SIPA1L3: variants seen among roughly 807,000 people sequenced by gnomAD.
The protein encoded by SIPA1L3 is signal-induced proliferation-associated 1-like protein 3.
SIPA1L3 carries 59 observed loss-of-function variants against 150.1 expected under a neutral mutation model. The observed-to-expected ratio is 0.39, with a 90% CI of 0.32 to 0.49. The LOEUF is 0.49. Ranked by LOEUF, SIPA1L3 falls within the 20% of genes least tolerant of loss-of-function variation. The probability of loss-of-function intolerance (pLI) is 0.86; values close to 1 mark genes in which losing one functional copy is unlikely to be tolerated. For synonymous variants in SIPA1L3, 1,070 were observed against 1,077.6 expected, an observed-to-expected ratio of 0.99 and a Z score of 0.14; for missense variants, 2,211 against 2,489.5, an observed-to-expected ratio of 0.89 and a Z score of 2.38.
intron 1 of SIPA1L3, among the ~76,000 whole-genome samples, chr19:38,026,078 G>A (rs1307391307): frequency 6.6e-6 from 1 of 152,228 alleles, no homozygotes; most frequent in African/African-American, 2.4e-5. Flanking sequence ...TCAAAAGGAA[G>A]TCTAAAAGGA....
intron 1 of SIPA1L3, among the ~76,000 whole-genome samples, chr19:37,911,940 C>T (rs2046380897): frequency 1.3e-5 from 2 of 151,888 alleles, no homozygotes; most frequent in Non-Finnish European, 2.9e-5. Context: ...GGCGTGGTGG[C>T]CGGTGCCTGT....
intron 2 of SIPA1L3, among the ~76,000 whole-genome samples, chr19:38,077,059 AT>A (rs1969853448): frequency 6.6e-6 from 1 of 152,206 alleles, no homozygotes; most frequent in South Asian, 2.1e-4. Context: ...TGGTTTGATA[AT>A]TTTAGAAAGA....
At chr19:37,992,680 A>T (rs557244689) in intron 1 of SIPA1L3, among the ~76,000 whole-genome samples, 3 of 150,338 alleles carry the variant, frequency 2.0e-5, no homozygotes, top group Admixed American at 6.6e-5. Flanking sequence ...TATGAATGGG[A>T]TGGTTCTAGA....
chr19:38,017,933 A>C (rs1159433210), intron 1 of SIPA1L3, among the ~76,000 whole-genome samples: 1 of 142,380 alleles, frequency 7.0e-6, no homozygotes, highest in East Asian at 2.0e-4. Flanking sequence ...CCATCACACT[A>C]AAAAGCATGT....
At chr19:37,980,855 C>T (rs938570110) in intron 1 of SIPA1L3, among the ~76,000 whole-genome samples, 1 of 152,210 alleles carries the variant, frequency 6.6e-6, no homozygotes, top group Non-Finnish European at 1.5e-5. Context: ...CTCCTGTGAG[C>T]TGCGCTCAAG....
At chr19:38,171,354 AC>A in intron 15 of SIPA1L3, among the ~76,000 whole-genome samples, 1 of 150,762 alleles carries the variant, frequency 6.6e-6, no homozygotes, top group African/African-American at 2.4e-5. Flanking sequence ...AGCCTGGGCA[AC>A]ATAGACCCAT....
chr19:38,000,090 C>A (rs924081127), intron 1 of SIPA1L3, among the ~76,000 whole-genome samples: 2 of 152,140 alleles, frequency 1.3e-5, no homozygotes, highest in Non-Finnish European at 2.9e-5. Flanking sequence ...GAAACTGCCT[C>A]TTCTGTAGTA....
intron 9 of SIPA1L3, among the ~76,000 whole-genome samples, chr19:38,126,473 T>C (rs1020003132): frequency 3.3e-5 from 5 of 152,180 alleles, no homozygotes; most frequent in Non-Finnish European, 2.9e-5. Context: ...GTGAGTTTTT[T>C]TGTGATTTTT....
At chr19:38,087,834 T>C (rs886324950) in intron 3 of SIPA1L3, 4 of 152,132 alleles carry the variant, frequency 2.6e-5, no homozygotes, top group Non-Finnish European at 4.4e-5. Context: ...ATGGCTAACA[T>C]GGTGAAACCC....
In SIPA1L3 at chr19:38,162,380, G is replaced by A. The variant is rs772842266; in HGVS notation, c.3780+9G>A. 1.9e-6 allele frequency: 3 copies of A among 1,608,110 alleles called. No homozygotes were observed. Among genetic ancestry groups the A allele is most frequent in the East Asian group, 4.5e-5 (2 of 44,840 alleles). On this transcript the variant is annotated intron_variant, in intron 14 of 21. Transcript: ENST00000222345. ...CCAACAGGCATTCCAAAGTGAGTCTGGGCCCCACCCTGCCCTACCGGGGGA... is the reference window on the plus strand; with the variant it reads ...CCAACAGGCATTCCAAAGTGAGTCTAGGCCCCACCCTGCCCTACCGGGGGA...
At chr19:37,925,048 CA>C (rs753601542) in intron 1 of SIPA1L3, among the ~76,000 whole-genome samples, 2,311 of 84,112 alleles carry the variant, frequency 0.027, 30 homozygotes, top group African/African-American at 0.08. Flanking sequence ...GACTCTGTCT[CA>C]AAAAAAAAAA....
In SIPA1L3 at chr19:38,058,752, C is replaced by T. The variant is rs574457078; in HGVS notation, c.-310-22504C>T. Among the ~76,000 whole-genome samples, 108 of 152,086 alleles carry T rather than the reference C, an allele frequency of 7.1e-4. 1 individual carries two copies. Among genetic ancestry groups the T allele is most frequent in the Non-Finnish European group, 1.0e-3 (69 of 67,982 alleles). ...TTTAAGACAGAGTCTTGGCCAGGTG[C>T]GGTGGCTCACGCCTGTAATCCCAGC... On this transcript the variant is annotated intron_variant, in intron 2 of 21. Transcript: ENST00000222345.
intron 3 of SIPA1L3, among the ~76,000 whole-genome samples, chr19:38,086,306 G>T (rs1970130740): frequency 6.6e-6 from 1 of 151,930 alleles, no homozygotes; most frequent in African/African-American, 2.4e-5. Context: ...TTGTTAGGCA[G>T]GTAGGAAGTA....
chr19:38,037,435 A>C (rs1303978189), intron 2 of SIPA1L3, among the ~76,000 whole-genome samples: 1 of 152,200 alleles, frequency 6.6e-6, no homozygotes, highest in African/African-American at 2.4e-5. Context: ...AACTGGAAGA[A>C]GACCTGTGTA....
At position 38,119,927 on chromosome 19, in the gene SIPA1L3, C is replaced by T. The variant is rs202247003; in HGVS notation, c.2868+45C>T. The T allele has an allele frequency of 2.3e-4, 331 of 1,425,982 alleles. 4 individuals are homozygous for T. In the South Asian group the frequency reaches 3.0e-3, roughly 13 times the overall value. The allele number at this position is 1,425,982 out of a possible 1,614,324, so 88.3% of individuals were successfully genotyped here. On this transcript the variant is annotated intron_variant, in intron 9 of 21. Transcript: ENST00000222345. ...GATAGGGCGGCGATTTGTATGGTTT[C>T]GGCCTCAGGAACCACTGAAATACTT...
chr19:38,036,351 G>A (rs1318832487), intron 2 of SIPA1L3, among the ~76,000 whole-genome samples: 2 of 152,250 alleles, frequency 1.3e-5, no homozygotes, highest in Admixed American at 6.5e-5. Flanking sequence ...GTTTTCCAGG[G>A]TGTTGCTGGC....
At chr19:38,074,473 G>GGCTGCACTCTGA (rs1969795622) in intron 2 of SIPA1L3, among the ~76,000 whole-genome samples, 1 of 152,228 alleles carries the variant, frequency 6.6e-6, no homozygotes, top group African/African-American at 2.4e-5. Context: ...TCTGAAGGCA[G>GGCTGCACTCTGA]AGCCACAACA....
At chr19:38,129,606 CAG>C (rs1971261509) in intron 9 of SIPA1L3, among the ~76,000 whole-genome samples, 1 of 130,470 alleles carries the variant, frequency 7.7e-6, no homozygotes. Flanking sequence ...GCCTGGGCGA[CAG>C]AGCGAGACTC....
chr19:37,985,717 G>A (rs1251012937), intron 1 of SIPA1L3, among the ~76,000 whole-genome samples: 1 of 152,190 alleles, frequency 6.6e-6, no homozygotes, highest in African/African-American at 2.4e-5. Context: ...GCCTCCATTT[G>A]CTTCCATCCT....
Sources: gnomAD v4.1 joint callset for allele counts (sites outside exome capture counted in the v4.1 genomes callset) on GRCh38, gnomAD v4.1.1 for gene constraint, MANE v1.5 for transcripts, NCBI Gene and HGNC (gene_info 2026-07-23, HGNC 2026-07-21) for gene names.